IGDCC3: variants seen among roughly 807,000 people sequenced by gnomAD.
IGDCC3 encodes putative neuronal cell adhesion molecule.
Under a neutral mutation model 72.0 loss-of-function variants are expected in IGDCC3, and 47 were observed. The ratio of observed to expected loss-of-function variants is 0.65; its 90% confidence interval spans 0.52 to 0.83. IGDCC3 has a LOEUF of 0.83. Among genes scored for constraint, IGDCC3 ranks in the 40% least tolerant of loss-of-function variants. The probability of loss-of-function intolerance (pLI) is 0.00; values close to 1 mark genes in which losing one functional copy is unlikely to be tolerated. For missense variants in IGDCC3, 1,038 were observed against 1,091.3 expected, an observed-to-expected ratio of 0.95 and a Z score of 0.69; for synonymous variants, 477 against 472.8, an observed-to-expected ratio of 1.01 and a Z score of -0.11.
rs2090961698 is a variant in IGDCC3 at position 65,329,937 on chromosome 15, A to G, written c.1859-73T>C. On this transcript the variant is annotated intron_variant, in intron 11 of 13. Transcript: ENST00000327987. This position sits in a 1 kb window ranked among gnomAD's most constrained non-coding sequence, Gnocchi z 4.1. ...ACTCCCAAACACCCAGCCTCTGGGGACTCCTCTTCCTTCAGCTGCTCCCAC... is the reference window on the plus strand; with the variant it reads ...ACTCCCAAACACCCAGCCTCTGGGGGCTCCTCTTCCTTCAGCTGCTCCCAC... The G allele has an allele frequency of 6.5e-7, 1 of 1,535,486 alleles. No homozygotes were observed. The highest frequency in any genetic ancestry group is 1.4e-5 in the African/African-American group (1 of 73,056).
rs2090968955 is a variant in IGDCC3, at chr15:65,330,689, C to T, written c.1614G>A (p.Gln538=). The stretch of plus-strand genomic sequence containing the variant: ...GCCGGGGCCAAGGCTCCCACAGCAG[C>T]TGCAAGGAGGAGCTGCCCAGGACTC... The part of the protein sequence containing the change: ...SVRVLGSSSL[Q]LLWEPWPRLA... Residue 538 remains glutamine, a synonymous_variant, in exon 10 of 14, where the codon CAG becomes CAA. Coordinates refer to ENST00000327987, the MANE Select transcript of IGDCC3 (RefSeq NM_004884.4). 1.2e-6 allele frequency: 2 copies of T among 1,613,226 alleles called. No individual in the cohort carries two copies. Among genetic ancestry groups the T allele is most frequent in the African/African-American group, 1.3e-5 (1 of 74,898 alleles).
Position 65,329,498 on chromosome 15 carries a change from C to T in IGDCC3, c.2097G>A (p.Arg699=). 6.2e-7 allele frequency: 1 copy of T among 1,607,778 alleles called. No individual in the cohort carries two copies. The highest frequency in any genetic ancestry group is 8.5e-7 in the Non-Finnish European group (1 of 1,178,354). The change falls in exon 13 of 14, where the codon CGG becomes CGA. Residue 699 remains arginine (R), a synonymous_variant. Coordinates refer to ENST00000327987, the MANE Select transcript of IGDCC3 (RefSeq NM_004884.4). The surrounding 1 kb of genome is among the most constrained non-coding windows in gnomAD (Gnocchi z 4.1). ...PGILALNGAR[R]GQRGQLGRDE... The stretch of plus-strand genomic sequence containing the variant: ...CTCGGCCCAGCTGGCCCCGCTGTCC[C>T]CGTCTCGCCCCATTTAGGGCTAGAA...
chr15:65,374,968 C>T, intron 2 of IGDCC3, 129 bp downstream of exon 2: 1 of 752,638 alleles, frequency 1.3e-6, no homozygotes, highest in Non-Finnish European at 2.2e-6. Flanking sequence ...TCAAAACCGA[C>T]CCATGCTGAG....
At chr15:65,361,450 GA>G (rs1165332610) in intron 2 of IGDCC3, among the ~76,000 whole-genome samples, 37 of 133,210 alleles carry the variant, frequency 2.8e-4, no homozygotes, top group Admixed American at 3.1e-4. Flanking sequence ...AGACCCTGTC[GA>G]AAAAAAAAAA....
chr15:65,334,440 T>G (rs2091007866), intron 5 of IGDCC3: 1 of 411,162 alleles, frequency 2.4e-6, no homozygotes, highest in African/African-American at 2.1e-5. Context: ...TGAAGGGTGC[T>G]GGGGTCCCCG....
rs550813072 is a variant in IGDCC3 at position 65,345,445 on chromosome 15, T to C, written c.410-9489A>G. The stretch of plus-strand genomic sequence containing the variant: ...GGCGTGTGCCTGTAGTCCCAGCTAC[T>C]CAGGAGGCCAAGGCAGAAGAATCGC... On this transcript the variant is annotated intron_variant, in intron 2 of 13. Coordinates refer to ENST00000327987, the MANE Select transcript of IGDCC3 (RefSeq NM_004884.4). 1.6e-4 allele frequency among the ~76,000 whole-genome samples: 25 copies of C among 152,064 alleles called. 1 individual carries two copies. The South Asian group carries it at 2.1e-3, about 13-fold the overall frequency.
rs569180662 is a variant in IGDCC3, at chr15:65,332,153, G to C, written c.983-47C>G. 85 of 1,582,758 alleles carry C rather than the reference G, an allele frequency of 5.4e-5. 2 individuals carry two copies. In the South Asian group the frequency reaches 8.7e-4, roughly 16 times the overall value. On this transcript the variant is annotated intron_variant, in intron 6 of 13. Coordinates refer to ENST00000327987, the MANE Select transcript of IGDCC3 (RefSeq NM_004884.4). ...TGGGGGCGCAGACAGACACAGCTGT[G>C]AGTGACGGCATGAGGAAGGGAACAG...
chr15:65,361,941 G>A (rs1293381244), intron 2 of IGDCC3, among the ~76,000 whole-genome samples: 2 of 152,206 alleles, frequency 1.3e-5, no homozygotes, highest in Non-Finnish European at 2.9e-5. Context: ...TGCGACCAGG[G>A]ATCTGCGACC....
chr15:65,367,560 A>G (rs930705706), intron 2 of IGDCC3, among the ~76,000 whole-genome samples: 2 of 151,866 alleles, frequency 1.3e-5, no homozygotes, highest in African/African-American at 4.8e-5. Context: ...AAAAAGGAAA[A>G]CTATGGCCCA....
At chr15:65,330,146 G>A in intron 11 of IGDCC3, 147 bp downstream of exon 11, 3 of 710,260 alleles carry the variant, frequency 4.2e-6, no homozygotes, top group Non-Finnish European at 7.3e-6. Flanking sequence ...TAAGTAACTT[G>A]ACCAAGGTCA....
Position 65,335,859 on chromosome 15 carries a change from C to T in IGDCC3, c.507G>A (p.Leu169=). ...GGACTCTGTTCTTCTCCCAAGTGATCAGGGGTTTGGGAAGCCCATGGATTT... is the reference window on the plus strand; with the variant it reads ...GGACTCTGTTCTTCTCCCAAGTGATTAGGGGTTTGGGAAGCCCATGGATTT... ...QCQIHGLPKP[L]ITWEKNRVPI... Residue 169 remains leucine, a synonymous_variant, in exon 3 of 14, where the codon CTG becomes CTA. Coordinates refer to ENST00000327987, the MANE Select transcript of IGDCC3 (RefSeq NM_004884.4). 1 of 1,614,178 alleles carries T rather than the reference C, an allele frequency of 6.2e-7. No individual in the cohort carries two copies. The highest frequency in any genetic ancestry group is 8.5e-7 in the Non-Finnish European group (1 of 1,180,026).
At chr15:65,358,208 C>T (rs1295126986) in intron 2 of IGDCC3, among the ~76,000 whole-genome samples, 6 of 151,768 alleles carry the variant, frequency 4.0e-5, no homozygotes, top group East Asian at 1.9e-4. Context: ...CAGGCTCAAG[C>T]GATCCTCCCA....
chr15:65,366,226 AAAAC>A (rs2091287830), intron 2 of IGDCC3, among the ~76,000 whole-genome samples: 1 of 151,118 alleles, frequency 6.6e-6, no homozygotes, highest in Non-Finnish European at 1.5e-5. Flanking sequence ...AAAAAAAAAA[AAAAC>A]TAGCTGGATG....
intron 2 of IGDCC3, among the ~76,000 whole-genome samples, chr15:65,356,942 T>C (rs1364382453): frequency 6.8e-6 from 1 of 146,744 alleles, no homozygotes; most frequent in African/African-American, 2.5e-5. Context: ...TTCTGCCTCC[T>C]GGATTCAAGC....
intron 2 of IGDCC3, among the ~76,000 whole-genome samples, chr15:65,342,687 C>T (rs1009565718): frequency 6.6e-6 from 1 of 152,162 alleles, no homozygotes; most frequent in Admixed American, 6.5e-5. Flanking sequence ...CTTGCCCTTG[C>T]CTGCACTCCC....
intron 4 of IGDCC3, 95 bp downstream of exon 4, chr15:65,335,196 G>A: frequency 1.5e-6 from 2 of 1,365,200 alleles, no homozygotes; most frequent in South Asian, 1.4e-5. Context: ...TGGCTGAGAA[G>A]GCTGCAGAGG....
At chr15:65,342,300 C>T (rs566221195) in intron 2 of IGDCC3, among the ~76,000 whole-genome samples, 102 of 151,764 alleles carry the variant, frequency 6.7e-4, no homozygotes, top group Admixed American at 2.0e-3. Context: ...GCAGGAGAAT[C>T]GCTTGAACCC....
At chr15:65,365,581 G>T (rs1207522612) in intron 2 of IGDCC3, among the ~76,000 whole-genome samples, 1 of 152,182 alleles carries the variant, frequency 6.6e-6, no homozygotes, top group East Asian at 1.9e-4. Flanking sequence ...TTTCAGGAAA[G>T]GTCTGCCCCC....
In IGDCC3 at chr15:65,345,558, GCA is replaced by G. The variant is rs139591852; in HGVS notation, c.410-9604_410-9603del. ...AACAGAGTGAGACCCTGTCTCACAC[GCA>G]CACACACACACACACACACGCACAC... On this transcript the variant is annotated intron_variant, in intron 2 of 13. Transcript: ENST00000327987. Among the ~76,000 whole-genome samples the G allele has an allele frequency of 8.9e-3, 1,297 of 145,262 alleles. 12 individuals are homozygous for G. Among genetic ancestry groups the G allele is most frequent in the South Asian group, 0.019 (89 of 4,576 alleles).
Sources: allele counts gnomAD v4.1 joint callset (sites outside exome capture counted in the v4.1 genomes callset), GRCh38; gene constraint gnomAD v4.1.1; non-coding constraint Gnocchi (gnomAD v3.1); transcripts MANE v1.5; gene names NCBI Gene and HGNC (gene_info 2026-07-23, HGNC 2026-07-21).